RIN2: variants seen among roughly 807,000 people sequenced by gnomAD.
RIN2 encodes Ras and Rab interactor 2.
RIN2 carries 36 observed loss-of-function variants against 78.0 expected under a neutral mutation model. That is an observed-to-expected ratio of 0.46 (90% CI 0.35 to 0.61). The LOEUF is 0.61. Among genes scored for constraint, RIN2 ranks in the 20% least tolerant of loss-of-function variants. RIN2 has a pLI of 0.00. For missense variants in RIN2, 1,087 were observed against 1,159.7 expected, an observed-to-expected ratio of 0.94 and a Z score of 0.91; for synonymous variants, 466 against 466.8, an observed-to-expected ratio of 1.00 and a Z score of 0.02.
chr20:19,997,123 G>A (rs1376721390), intron 12 of RIN2, among the ~76,000 whole-genome samples: 2 of 152,170 alleles, frequency 1.3e-5, no homozygotes, highest in East Asian at 3.9e-4. Flanking sequence ...GGAGGAGGAA[G>A]CACTTGGCAC....
chr20:19,909,536 T>A (rs2039370875), intron 3 of RIN2, among the ~76,000 whole-genome samples: 1 of 152,116 alleles, frequency 6.6e-6, no homozygotes, highest in East Asian at 1.9e-4. Context: ...CGTCTCTGTG[T>A]TGAGCCCCGG....
At chr20:19,832,931 T>A (rs1380436773) in intron 2 of RIN2, among the ~76,000 whole-genome samples, 1 of 152,128 alleles carries the variant, frequency 6.6e-6, no homozygotes, top group Non-Finnish European at 1.5e-5. Flanking sequence ...GGATTAAGTT[T>A]TAACATGAAT....
At chr20:19,842,010 T>C (rs559173484) in intron 2 of RIN2, among the ~76,000 whole-genome samples, 4 of 152,338 alleles carry the variant, frequency 2.6e-5, no homozygotes, top group African/African-American at 9.6e-5. Context: ...AAGTCAATGC[T>C]TGGCTTCAAA....
At chr20:19,928,393 C>T (rs2040311824) in intron 3 of RIN2, among the ~76,000 whole-genome samples, 1 of 152,196 alleles carries the variant, frequency 6.6e-6, no homozygotes, top group Admixed American at 6.5e-5. Context: ...ATGCCTACCC[C>T]TACTCCCAGC....
intron 3 of RIN2, among the ~76,000 whole-genome samples, chr20:19,894,795 G>A (rs1308073745): frequency 1.3e-5 from 2 of 151,990 alleles, no homozygotes; most frequent in Non-Finnish European, 1.5e-5. Context: ...TTCCATTGTG[G>A]GCATTATAAA....
intron 3 of RIN2, among the ~76,000 whole-genome samples, chr20:19,926,532 G>GTTTTTC (rs1204571114): frequency 2.6e-5 from 4 of 151,930 alleles, no homozygotes; most frequent in Non-Finnish European, 4.4e-5. Context: ...AACATGAGAG[G>GTTTTTC]TACCCACCAC....
At chr20:19,912,265 C>T (rs1299506982) in intron 3 of RIN2, among the ~76,000 whole-genome samples, 1 of 152,044 alleles carries the variant, frequency 6.6e-6, no homozygotes, top group Non-Finnish European at 1.5e-5. Flanking sequence ...TGCTTAAAGA[C>T]ACAAAGGAAG....
intron 1 of RIN2, among the ~76,000 whole-genome samples, chr20:19,797,942 G>A (rs1360657706): frequency 6.9e-6 from 1 of 143,944 alleles, no homozygotes; most frequent in Admixed American, 7.3e-5. Context: ...ACCTCCGCCT[G>A]CCAGGTTCAC....
At chr20:19,854,502 C>T (rs1421451930) in intron 2 of RIN2, among the ~76,000 whole-genome samples, 2 of 152,176 alleles carry the variant, frequency 1.3e-5, no homozygotes, top group Non-Finnish European at 2.9e-5. Flanking sequence ...TTGATTCTTC[C>T]TATCTATGAG....
chr20:19,845,470 C>A (rs2036750199), intron 2 of RIN2, among the ~76,000 whole-genome samples: 1 of 152,012 alleles, frequency 6.6e-6, no homozygotes, highest in African/African-American at 2.4e-5. Context: ...TGATTTGCAT[C>A]TCTCTTATGA....
chr20:19,818,402 A>G (rs888979932), intron 2 of RIN2, among the ~76,000 whole-genome samples: 5 of 152,220 alleles, frequency 3.3e-5, no homozygotes, highest in African/African-American at 1.2e-4. Flanking sequence ...TCCTTGCATC[A>G]CAAGTTCTTA....
intron 9 of RIN2, among the ~76,000 whole-genome samples, chr20:19,984,599 T>A (rs925925216): frequency 1.3e-5 from 2 of 152,110 alleles, no homozygotes; most frequent in African/African-American, 4.8e-5. Context: ...AAACCCCATC[T>A]CTACTAAAAA....
At chr20:19,764,918 G>GTGTTTTTTTT (rs1274106795) in intron 1 of RIN2, among the ~76,000 whole-genome samples, 1 of 50,362 alleles carries the variant, frequency 2.0e-5, no homozygotes, top group Non-Finnish European at 3.6e-5. Flanking sequence ...CACTTTCTGC[G>GTGTTTTTTTT]TTTTTTTTTT....
In RIN2 at chr20:19,974,789, G is replaced by C. The variant is rs746529116; in HGVS notation, c.764G>C (p.Arg255Thr). 21 of 1,614,008 alleles carry C rather than the reference G, an allele frequency of 1.3e-5. No individual in the cohort carries two copies. In the Admixed American group the frequency reaches 3.5e-4, roughly 27 times the overall value. Reference sequence around the variant, plus strand: ...AATGGAGTGCATTCTATCAAAACCAGGACGCCTTCAGAGCTGGAGTGCAGC... The same window carrying C: ...AATGGAGTGCATTCTATCAAAACCACGACGCCTTCAGAGCTGGAGTGCAGC... ...LINGVHSIKT[R>T]TPSELECSQT... Residue 255 changes from arginine (R) to threonine (T), a missense_variant, in exon 9 of 13, where the codon AGG becomes ACG. Physicochemically the swap from Arg to Thr is moderately conservative, Grantham distance 71. Around this residue, in one of 8 missense-constraint regions of RIN2, gnomAD observed 706 missense variants for 667.5 expected, o/e 1.06. Transcript: ENST00000255006.
chr20:19,918,868 T>G (rs1329884490), intron 3 of RIN2, among the ~76,000 whole-genome samples: 2 of 152,204 alleles, frequency 1.3e-5, no homozygotes, highest in Non-Finnish European at 2.9e-5. Flanking sequence ...AAGGGAATAT[T>G]TTGTGCTTTA....
intron 1 of RIN2, among the ~76,000 whole-genome samples, chr20:19,774,790 G>A (rs1311587101): frequency 6.6e-6 from 1 of 152,238 alleles, no homozygotes; most frequent in African/African-American, 2.4e-5. Flanking sequence ...CACCCTGACT[G>A]CTGATCACAG....
At chr20:19,858,002 A>G (rs1309444653) in intron 2 of RIN2, among the ~76,000 whole-genome samples, 3 of 151,974 alleles carry the variant, frequency 2.0e-5, no homozygotes, top group African/African-American at 7.3e-5. Flanking sequence ...TTACATGTGC[A>G]TTTCAAATAT....
intron 2 of RIN2, among the ~76,000 whole-genome samples, chr20:19,868,883 C>A (rs182478411): frequency 1.3e-5 from 2 of 152,126 alleles, no homozygotes; most frequent in East Asian, 1.9e-4. Context: ...GAGTTCAAGA[C>A]CAACCTGGCC....
At chr20:19,893,589 G>A (rs767521189) in intron 3 of RIN2, among the ~76,000 whole-genome samples, 4 of 152,162 alleles carry the variant, frequency 2.6e-5, no homozygotes, top group Non-Finnish European at 5.9e-5. Flanking sequence ...GACATGAGGT[G>A]CGTGGATAAC....
Sources: gnomAD v4.1 joint callset for allele counts (sites outside exome capture counted in the v4.1 genomes callset) on GRCh38, gnomAD v4.1.1 for gene constraint, gnomAD v4.1.1 regional missense constraint, MANE v1.5 for transcripts, NCBI Gene and HGNC (gene_info 2026-07-23, HGNC 2026-07-21) for gene names.